The following TMEM132B variants were observed in gnomAD, a reference collection of about 807,000 sequenced individuals.
TMEM132B encodes transmembrane protein 132B.
A neutral mutation model predicts 90.8 loss-of-function variants in TMEM132B; 18 were observed. That is an observed-to-expected ratio of 0.20 (90% CI 0.14 to 0.29). The LOEUF (loss-of-function observed/expected upper bound fraction) is 0.29, where lower values mean the gene tolerates loss of function less well. TMEM132B is among the 10% of genes least tolerant of loss of function. The pLI, the probability that TMEM132B is intolerant of heterozygous loss-of-function variation, is 1.00. For synonymous variants in TMEM132B, 504 were observed against 523.3 expected (o/e 0.96, Z 0.50); for missense variants, 1,096 against 1,326.8 (o/e 0.83, Z 2.70).
At chr12:125,234,187 T>A (rs2136085424) in intron 1 of TMEM132B, among the ~76,000 whole-genome samples, 1 of 152,326 alleles carries the variant, frequency 6.6e-6, no homozygotes, top group South Asian at 2.1e-4. Flanking sequence ...GTGTGTGATG[T>A]GATGAAGTTC....
At chr12:125,187,432 C>T (rs1375642037) in intron 1 of TMEM132B, among the ~76,000 whole-genome samples, 1 of 152,214 alleles carries the variant, frequency 6.6e-6, no homozygotes, top group Non-Finnish European at 1.5e-5. Context: ...GCCAAATGGC[C>T]TCCTCTTGGC....
chr12:125,390,685 G>C (rs1380008431), intron 2 of TMEM132B, among the ~76,000 whole-genome samples: 1 of 152,202 alleles, frequency 6.6e-6, no homozygotes, highest in Non-Finnish European at 1.5e-5. Flanking sequence ...TGCTCAAGTA[G>C]CATCTAAGGA....
rs1310068257 is a variant in TMEM132B, at chr12:125,407,309, T to C, written c.960-8222T>C. On this transcript the variant is annotated intron_variant, in intron 2 of 8. Transcript: ENST00000682704. The surrounding 1 kb of genome is among the most constrained non-coding windows in gnomAD (Gnocchi z 6.7). ...TCTTCGGGCAAAGTTAATCCTTTACTGCCCACCCACTATGTAGACAACCAA... is the reference window on the plus strand; with the variant it reads ...TCTTCGGGCAAAGTTAATCCTTTACCGCCCACCCACTATGTAGACAACCAA... Among the ~76,000 whole-genome samples the C allele has an allele frequency of 6.6e-6, 1 of 152,214 alleles. No homozygotes were observed. Among genetic ancestry groups the C allele is most frequent in the Non-Finnish European group, 1.5e-5 (1 of 68,032 alleles).
At chr12:125,260,895 G>A (rs939122793) in intron 1 of TMEM132B, among the ~76,000 whole-genome samples, 11 of 150,636 alleles carry the variant, frequency 7.3e-5, no homozygotes, top group Admixed American at 6.6e-4. Context: ...CAGCCTGGGC[G>A]TCAGAGCGAG....
chr12:125,628,262 A>G (rs1886279926), intron 5 of TMEM132B, among the ~76,000 whole-genome samples: 1 of 152,170 alleles, frequency 6.6e-6, no homozygotes, highest in Admixed American at 6.5e-5. Flanking sequence ...TTACATTCCT[A>G]TCAGGAGTGT....
chr12:125,382,032 C>G (rs1878699147), intron 2 of TMEM132B, among the ~76,000 whole-genome samples: 1 of 152,160 alleles, frequency 6.6e-6, no homozygotes, highest in South Asian at 2.1e-4. Flanking sequence ...CTAGGCCTCT[C>G]CTTCCTATTC....
Position 125,429,913 on chromosome 12 carries a change from G to C in TMEM132B, c.1106+14236G>C, listed in dbSNP as rs143744641. On this transcript the variant is annotated intron_variant, in intron 3 of 8. Transcript: ENST00000682704. ...ACTCTTTGCAAGGAGGGCACAGTGC[G>C]TGCAGCCCACGCTGAAGGGGTGGGG... 9.2e-5 allele frequency among the ~76,000 whole-genome samples: 14 copies of C among 152,152 alleles called. 1 individual carries two copies. The highest frequency in any genetic ancestry group is 3.1e-4 in the African/African-American group (13 of 41,420).
intron 2 of TMEM132B, among the ~76,000 whole-genome samples, chr12:125,368,673 C>T (rs1212950632): frequency 1.3e-5 from 2 of 152,216 alleles, no homozygotes; most frequent in African/African-American, 4.8e-5. Context: ...GCTGCGTATC[C>T]TCCATAGCTT....
At chr12:125,560,831 C>CAAAAAAAAAAAAAAAAAAAAAAAAAAA (rs58083131) in intron 4 of TMEM132B, among the ~76,000 whole-genome samples, 1 of 29,252 alleles carries the variant, frequency 3.4e-5, no homozygotes, top group African/African-American at 1.9e-4. Flanking sequence ...GACTCTGTCT[C>CAAAAAAAAAAAAAAAAAAAAAAAAAAA]AAAAAAAAAA....
chr12:125,259,944 C>T (rs1874523785), intron 1 of TMEM132B, among the ~76,000 whole-genome samples: 2 of 152,028 alleles, frequency 1.3e-5, no homozygotes, highest in South Asian at 2.1e-4. Flanking sequence ...CCAGAGGGGT[C>T]TCTTCACTCA....
intron 2 of TMEM132B, among the ~76,000 whole-genome samples, chr12:125,373,740 G>A (rs1258600814): frequency 6.6e-6 from 1 of 152,146 alleles, no homozygotes; most frequent in Non-Finnish European, 1.5e-5. Flanking sequence ...TTTCTAACCT[G>A]TGTTTTCTGT....
At chr12:125,522,366 A>C (rs142418559) in intron 4 of TMEM132B, among the ~76,000 whole-genome samples, 8 of 152,334 alleles carry the variant, frequency 5.3e-5, no homozygotes, top group African/African-American at 1.7e-4. Flanking sequence ...GAGGACTGGG[A>C]TAGTGAGGGA....
chr12:125,273,455 C>T (rs973930533), intron 1 of TMEM132B, among the ~76,000 whole-genome samples: 1 of 152,074 alleles, frequency 6.6e-6, no homozygotes, highest in East Asian at 1.9e-4. Context: ...GGCATGGTTG[C>T]TCATGCCTGT....
chr12:125,449,085 G>C (rs1403377820), intron 3 of TMEM132B, among the ~76,000 whole-genome samples: 1 of 150,332 alleles, frequency 6.7e-6, no homozygotes, highest in Non-Finnish European at 1.5e-5. Flanking sequence ...TTCTGCCTCA[G>C]CCTCCTGAGT....
chr12:125,212,004 G>C lies in TMEM132B; in HGVS notation c.67+25138G>C, dbSNP rs540465370. On this transcript the variant is annotated intron_variant, in intron 1 of 8. Coordinates refer to ENST00000682704, the MANE Select transcript of TMEM132B (RefSeq NM_001366854.1). ...CATTTGTTGGTTTGAACAGGATCCA[G>C]AATGTGTGGATTTGGTCACCTTTCT... Among the ~76,000 whole-genome samples, 114 of 152,352 alleles carry C rather than the reference G, an allele frequency of 7.5e-4. No individual in the cohort carries two copies. In the South Asian group the frequency reaches 0.016, roughly 22 times the overall value.
chr12:125,346,036 G>T, intron 1 of TMEM132B, among the ~76,000 whole-genome samples: 1 of 152,188 alleles, frequency 6.6e-6, no homozygotes, highest in East Asian at 1.9e-4. Context: ...CTGGTTTGAG[G>T]ACAGAATAAG....
At chr12:125,525,795 G>A (rs1235795025) in intron 4 of TMEM132B, among the ~76,000 whole-genome samples, 1 of 152,126 alleles carries the variant, frequency 6.6e-6, no homozygotes, top group South Asian at 2.1e-4. Flanking sequence ...TTTGCCCACT[G>A]AGTGGCCACA....
intron 2 of TMEM132B, among the ~76,000 whole-genome samples, chr12:125,397,869 G>A (rs879353059): frequency 6.6e-6 from 1 of 152,174 alleles, no homozygotes; most frequent in Admixed American, 6.5e-5. Context: ...GGACAATAAC[G>A]GACTTGAAAT....
chr12:125,531,381 G>A (rs967432701), intron 4 of TMEM132B, among the ~76,000 whole-genome samples: 1 of 152,112 alleles, frequency 6.6e-6, no homozygotes, highest in Non-Finnish European at 1.5e-5. Context: ...TAGAGACAAA[G>A]TCTCACTATG....
Sources: allele counts gnomAD v4.1 joint callset (sites outside exome capture counted in the v4.1 genomes callset), GRCh38; gene constraint gnomAD v4.1.1; non-coding constraint Gnocchi (gnomAD v3.1); transcripts MANE v1.5; gene names NCBI Gene and HGNC (gene_info 2026-07-23, HGNC 2026-07-21).